PCNT: variants seen among roughly 807,000 people sequenced by gnomAD.
PCNT encodes kendrin.
A neutral mutation model predicts 380.4 loss-of-function variants in PCNT; 319 were observed. The observed-to-expected ratio is 0.84, with a 90% CI of 0.77 to 0.92. The LOEUF (loss-of-function observed/expected upper bound fraction) is 0.92, where lower values mean the gene tolerates loss of function less well. Ranked by LOEUF, PCNT falls within the 40% of genes least tolerant of loss-of-function variation. The probability of loss-of-function intolerance (pLI) is 0.00; values close to 1 mark genes in which losing one functional copy is unlikely to be tolerated. For missense variants in PCNT, 4,400 were observed against 4,255.3 expected (o/e 1.03, Z -0.95); for synonymous variants, 1,845 against 1,735.2 (o/e 1.06, Z -1.57).
intron 3 of PCNT, among the ~76,000 whole-genome samples, chr21:46,337,554 T>C (rs2083788413): frequency 6.6e-6 from 1 of 152,124 alleles, no homozygotes; most frequent in Non-Finnish European, 1.5e-5. Flanking sequence ...TCCCACAACA[T>C]CCTGGTCAAT....
intron 41 of PCNT, among the ~76,000 whole-genome samples, chr21:46,439,762 G>GT (rs1354162885): frequency 6.6e-6 from 1 of 152,148 alleles, no homozygotes; most frequent in Admixed American, 6.5e-5. Context: ...ATATGAGAGT[G>GT]TTTAAGGCTT....
rs1396659826 is a variant in PCNT, at chr21:46,428,542, A to C, written c.7642A>C (p.Ser2548Arg). Reference sequence around the variant, plus strand: ...GCAGCACTTGCGCACGGCGCTGACAAGCGCAGAGGCGCGCGGGAGCCAGCA... The same window carrying C: ...GCAGCACTTGCGCACGGCGCTGACACGCGCAGAGGCGCGCGGGAGCCAGCA... ...KLQHLRTALT[S>R]AEARGSQQEH... is the part of the protein sequence containing the mutation. Residue 2548 changes from serine (S) to arginine (R), a missense_variant, in exon 35 of 47, where the codon AGC becomes CGC. Ser to Arg is a moderately radical substitution (Grantham distance 110). Coordinates refer to ENST00000359568, the MANE Select transcript of PCNT (RefSeq NM_006031.6). 3 of 1,609,592 alleles carry C rather than the reference A, an allele frequency of 1.9e-6. No homozygotes were observed. Among genetic ancestry groups the C allele is most frequent in the Admixed American group, 3.3e-5 (2 of 59,904 alleles).
At position 46,389,368 on chromosome 21, in the gene PCNT, C is replaced by T. The variant is rs1404814764; in HGVS notation, c.3777C>T (p.Val1259=). The change falls in exon 19 of 47, where the codon GTC becomes GTT. Residue 1259 remains valine, a synonymous_variant. Coordinates refer to ENST00000359568, the MANE Select transcript of PCNT (RefSeq NM_006031.6). ...VRECEQPIRR[V]FQSLSLAVDG... ...AGTGTGAGCAGCCCATCCGGAGGGTCTTCCAGAGCCTCAGCCTGGCCGTGG... is the reference window on the plus strand; with the variant it reads ...AGTGTGAGCAGCCCATCCGGAGGGTTTTCCAGAGCCTCAGCCTGGCCGTGG... The T allele has an allele frequency of 6.2e-7, 1 of 1,614,232 alleles. No individual in the cohort carries two copies. Among genetic ancestry groups the T allele is most frequent in the Admixed American group, 1.7e-5 (1 of 60,034 alleles).
chr21:46,411,682 T>C lies in PCNT; in HGVS notation c.5609T>C (p.Ile1870Thr). Reference protein sequence around the residue: ...EAALKAKEATIAERNLEIDAL... With the variant: ...EAALKAKEATTAERNLEIDAL... ...GCCCTGAAAGCAAAGGAAGCGACGA[T>C]TGCCGAGAGAAATTTAGAAATCGAC... The change falls in exon 28 of 47, where the codon ATT (isoleucine) becomes ACT (threonine). Residue 1870 changes from isoleucine (I) to threonine (T), a missense_variant. Coordinates refer to ENST00000359568, the MANE Select transcript of PCNT (RefSeq NM_006031.6). 1 of 1,612,968 alleles carries C rather than the reference T, an allele frequency of 6.2e-7. No homozygotes were observed. The highest frequency in any genetic ancestry group is 1.1e-5 in the South Asian group (1 of 91,088).
rs1480322139 is a variant in PCNT at position 46,412,870 on chromosome 21, G to A, written c.6028G>A (p.Asp2010Asn). 1.2e-6 allele frequency: 2 copies of A among 1,612,742 alleles called. No individual in the cohort carries two copies. The highest frequency in any genetic ancestry group is 1.3e-5 in the African/African-American group (1 of 75,064). ...GCAGCCTGTCCTGGTGACGTTGAAG[G>A]ATGCACCTCTCTGCAAGCAAGAAGG... ...DLQPVLVTLK[D>N]APLCKQEGVM... The change falls in exon 29 of 47, where the codon GAT becomes AAT. Residue 2010 changes from aspartate to asparagine, a missense_variant. Asp to Asn is a conservative substitution (Grantham distance 23). Transcript: ENST00000359568.
rs996021402 is a variant in PCNT, at chr21:46,334,330, G to A, written c.268-67G>A. ...CACAGGCCTGCAGATAGAGGAGCTG[G>A]GAAGGGCCTGAGGCTGCAGCCCTAG... is the stretch of plus-strand genomic sequence containing the variant. On this transcript the variant is annotated intron_variant, in intron 2 of 46. Transcript: ENST00000359568. 20 of 1,610,862 alleles carry A rather than the reference G, an allele frequency of 1.2e-5. 1 individual carries two copies. The highest frequency in any genetic ancestry group is 1.9e-4 in the Middle Eastern group (1 of 5,370).
chr21:46,390,147 C>T lies in PCNT; in HGVS notation c.3841-523C>T, dbSNP rs756897361. 8.1e-4 allele frequency among the ~76,000 whole-genome samples: 124 copies of T among 152,298 alleles called. 1 individual carries two copies. The highest frequency in any genetic ancestry group is 3.4e-3 in the Middle Eastern group (1 of 294). On this transcript the variant is annotated intron_variant, in intron 19 of 46. Transcript: ENST00000359568. Reference sequence around the variant, plus strand: ...CCAGCAGCCAGCCTGGGCAACATAGCGAGACCTCATTTTAAGTTAGCCAGG... The same window carrying T: ...CCAGCAGCCAGCCTGGGCAACATAGTGAGACCTCATTTTAAGTTAGCCAGG...
chr21:46,377,146 A>G (rs1002405757), intron 15 of PCNT, among the ~76,000 whole-genome samples: 4 of 152,162 alleles, frequency 2.6e-5, no homozygotes, highest in Admixed American at 6.5e-5. Flanking sequence ...TGTTTATTGA[A>G]ACTGTTGCCC....
chr21:46,395,197 A>G (rs1317877868), intron 21 of PCNT, among the ~76,000 whole-genome samples: 1 of 152,256 alleles, frequency 6.6e-6, no homozygotes, highest in African/African-American at 2.4e-5. Context: ...ATAGTTTGTG[A>G]TAAAAGACTT....
intron 13 of PCNT, among the ~76,000 whole-genome samples, chr21:46,358,218 T>G (rs1045649261): frequency 1.3e-5 from 2 of 152,264 alleles, no homozygotes; most frequent in African/African-American, 4.8e-5. Context: ...GCAGTGGAGT[T>G]AAAGTGACTG....
chr21:46,353,802 C>G (rs993971711), intron 10 of PCNT, among the ~76,000 whole-genome samples, 185 bp from the exon 11 acceptor site: 7 of 151,638 alleles, frequency 4.6e-5, no homozygotes, highest in Admixed American at 4.6e-4. Context: ...TCCAGACCTG[C>G]ATGTCCCTGT....
At position 46,353,248 on chromosome 21, in the gene PCNT, A is replaced by T; in HGVS notation, c.1601A>T (p.Tyr534Phe). 1.2e-6 allele frequency: 2 copies of T among 1,614,146 alleles called. No individual in the cohort carries two copies. Among genetic ancestry groups the T allele is most frequent in the Non-Finnish European group, 1.7e-6 (2 of 1,180,020 alleles). Reference sequence around the variant, plus strand: ...AAGTTAAGGGATGCTGAGAAAACTTACCAAGAAGACCTAACCCTGTTACAG... The same window carrying T: ...AAGTTAAGGGATGCTGAGAAAACTTTCCAAGAAGACCTAACCCTGTTACAG... Reference protein sequence around the residue: ...EKKLRDAEKTYQEDLTLLQQR... With the variant: ...EKKLRDAEKTFQEDLTLLQQR... Residue 534 changes from tyrosine to phenylalanine, a missense_variant, in exon 10 of 47, where the codon TAC becomes TTC. By Grantham distance (22) the Tyr-to-Phe change is conservative. Coordinates refer to ENST00000359568, the MANE Select transcript of PCNT (RefSeq NM_006031.6).
intron 2 of PCNT, among the ~76,000 whole-genome samples, chr21:46,333,464 G>A (rs1273522847): frequency 2.6e-5 from 4 of 152,004 alleles, no homozygotes; most frequent in Non-Finnish European, 4.4e-5. Context: ...AAAATTAGCC[G>A]GGCGTGGTGG....
intron 15 of PCNT, among the ~76,000 whole-genome samples, chr21:46,373,256 A>G (rs894462311): frequency 5.3e-5 from 8 of 152,024 alleles, no homozygotes; most frequent in South Asian, 2.1e-4. Flanking sequence ...GCCTCAAGCA[A>G]TCCTTTTGTC....
Position 46,353,152 on chromosome 21 carries a change from A to G in PCNT, c.1505A>G (p.Glu502Gly). 6.2e-7 allele frequency: 1 copy of G among 1,614,130 alleles called. No homozygotes were observed. The highest frequency in any genetic ancestry group is 8.5e-7 in the Non-Finnish European group (1 of 1,180,046). Residue 502 changes from glutamate to glycine, a missense_variant, in exon 10 of 47, where the codon GAA becomes GGA. Transcript: ENST00000359568. ...CGCACCTCTCGTGTGGAAGATTTAGAACAGCTGAAGCAGCGAGAAAAAACC... is the reference window on the plus strand; with the variant it reads ...CGCACCTCTCGTGTGGAAGATTTAGGACAGCTGAAGCAGCGAGAAAAAACC... Reference protein sequence around the residue: ...LARTSRVEDLEQLKQREKTQH... With the variant: ...LARTSRVEDLGQLKQREKTQH...
At chr21:46,342,311 C>T (rs1018742041) in intron 3 of PCNT, among the ~76,000 whole-genome samples, 10 of 152,008 alleles carry the variant, frequency 6.6e-5, no homozygotes, top group East Asian at 1.9e-4. Flanking sequence ...TTCACCATGT[C>T]GCCCAGGCTG....
chr21:46,352,489 T>A (rs1287777506), intron 9 of PCNT, among the ~76,000 whole-genome samples: 1 of 152,258 alleles, frequency 6.6e-6, no homozygotes, highest in East Asian at 1.9e-4. Flanking sequence ...TCGGGACCCA[T>A]GCAGAGAACC....
intron 14 of PCNT, among the ~76,000 whole-genome samples, chr21:46,365,337 A>ACTGCCG (rs2084866508): frequency 2.6e-5 from 2 of 78,100 alleles, no homozygotes; most frequent in African/African-American, 4.4e-5. Flanking sequence ...ATTCACTGCC[A>ACTGCCG]TGGGGTTCTA....
In PCNT at chr21:46,436,469, GGCCCCCCCCCC is replaced by G. The variant is rs1341225336; in HGVS notation, c.8996+322_8996+332del. On this transcript the variant is annotated intron_variant, in intron 39 of 46. Coordinates refer to ENST00000359568, the MANE Select transcript of PCNT (RefSeq NM_006031.6). ...CAGGGTCGGGTTTGGAGCCTCCTGT[GGCCCCCCCCCC>G]CCCCCCCCGCTGGCACTGCCCAGTG... Among the ~76,000 whole-genome samples, 6 of 39,986 alleles carry G rather than the reference GGCCCCCCCCCC, an allele frequency of 1.5e-4. 2 individuals carry two copies. Among genetic ancestry groups the G allele is most frequent in the East Asian group, 1.6e-3 (2 of 1,286 alleles). 26.2% of individuals were successfully genotyped at this position (39,986 alleles called of 152,430 possible). A position where few individuals can be genotyped will look rare whatever the true frequency, so the allele number is the denominator to read the frequency against.
Sources: gnomAD v4.1 joint callset for allele counts (sites outside exome capture counted in the v4.1 genomes callset) on GRCh38, gnomAD v4.1.1 for gene constraint, MANE v1.5 for transcripts, NCBI Gene and HGNC (gene_info 2026-07-23, HGNC 2026-07-21) for gene names.